PRKCB: variants seen among roughly 807,000 people sequenced by gnomAD.
PRKCB encodes protein kinase C beta type.
A neutral mutation model predicts 81.5 loss-of-function variants in PRKCB; 13 were observed. The ratio of observed to expected loss-of-function variants is 0.16; its 90% CI spans 0.10 to 0.25. The LOEUF (loss-of-function observed/expected upper bound fraction) is 0.25, where lower values mean the gene tolerates loss of function less well. PRKCB is among the 10% of genes least tolerant of loss of function. PRKCB has a pLI of 1.00. For synonymous variants in PRKCB, 335 were observed against 321.4 expected, an observed-to-expected ratio of 1.04 and a Z score of -0.45; for missense variants, 509 against 875.7, an observed-to-expected ratio of 0.58 and a Z score of 5.29.
rs148406342 is a variant in PRKCB at position 24,129,472 on chromosome 16, A to C, written c.1065+5491A>C. Among the ~76,000 whole-genome samples the C allele has an allele frequency of 7.2e-3, 1,097 of 152,062 alleles. 16 individuals carry two copies. Among genetic ancestry groups the C allele is most frequent in the African/African-American group, 0.025 (1,045 of 41,400 alleles). On this transcript the variant is annotated intron_variant, in intron 9 of 16. Coordinates refer to ENST00000643927, the MANE Select transcript of PRKCB (RefSeq NM_002738.7). ...ATATTCATAATAAATACAAAAAAAA[A>C]CGAAGTGACTCTCTCCTCTCTCTTT...
chr16:24,216,202 G>C lies in PRKCB; in HGVS notation c.*1386G>C. The stretch of plus-strand genomic sequence containing the variant: ...GCTGCTGGTGGGCTGTAGTGGGGTG[G>C]GATGACCTGGCCAGAGCCAACGAGG... On this transcript the variant is annotated 3_prime_UTR_variant, in exon 17 of 17. Transcript: ENST00000643927. The C allele has an allele frequency of 1.0e-6, 1 of 985,432 alleles. No individual in the cohort carries two copies. Among genetic ancestry groups the C allele is most frequent in the Non-Finnish European group, 1.2e-6 (1 of 829,978 alleles). The allele number at this position is 985,432 out of a possible 1,614,324, so 61.0% of individuals were successfully genotyped here.
intron 2 of PRKCB, among the ~76,000 whole-genome samples, chr16:23,855,639 G>A (rs1962551987): frequency 6.6e-6 from 1 of 152,202 alleles, no homozygotes; most frequent in Non-Finnish European, 1.5e-5. Context: ...TATGCAGGTG[G>A]TTTATTGGGG....
At chr16:24,139,187 T>G (rs1055698758) in intron 9 of PRKCB, among the ~76,000 whole-genome samples, 9 of 124,882 alleles carry the variant, frequency 7.2e-5, no homozygotes, top group Non-Finnish European at 1.5e-4. Context: ...CTTATTTTGC[T>G]TAGGATAAGG....
Position 24,215,231 on chromosome 16 carries a change from A to C in PRKCB, c.*415A>C. On this transcript the variant is annotated 3_prime_UTR_variant, in exon 17 of 17. Transcript: ENST00000643927. ...CGGGCCTGGAGCTTGGCTTGTATCCAAGTGTATGGTTGCTTTGCCTAAGAG... is the reference window on the plus strand; with the variant it reads ...CGGGCCTGGAGCTTGGCTTGTATCCCAGTGTATGGTTGCTTTGCCTAAGAG... The C allele has an allele frequency of 1.0e-6, 1 of 1,001,352 alleles. No individual in the cohort carries two copies. Among genetic ancestry groups the C allele is most frequent in the Non-Finnish European group, 1.2e-6 (1 of 839,006 alleles). 62.0% of individuals were successfully genotyped at this position (1,001,352 alleles called of 1,614,324 possible).
chr16:23,997,970 A>G (rs1964981904), intron 3 of PRKCB, among the ~76,000 whole-genome samples: 1 of 152,206 alleles, frequency 6.6e-6, no homozygotes, highest in South Asian at 2.1e-4. Flanking sequence ...CTGGTAATAC[A>G]TGATTTCTGG....
chr16:24,218,779 T>A lies in PRKCB; in HGVS notation c.*3963T>A, dbSNP rs1306910631. On this transcript the variant is annotated 3_prime_UTR_variant, in exon 17 of 17. Transcript: ENST00000643927. ...CTTTATAATCTGAGGCAACTTTGGC[T>A]GCAGCCCGGGAATGTGCAGGGCACT... 2.0e-6 allele frequency: 2 copies of A among 985,348 alleles called. No homozygotes were observed. Among genetic ancestry groups the A allele is most frequent in the East Asian group, 2.3e-4 (2 of 8,826 alleles). 61.0% of individuals were successfully genotyped at this position (985,348 alleles called of 1,614,324 possible).
At chr16:24,097,357 C>T (rs1966458824) in intron 7 of PRKCB, among the ~76,000 whole-genome samples, 2 of 151,944 alleles carry the variant, frequency 1.3e-5, no homozygotes, top group Admixed American at 6.6e-5. Flanking sequence ...TTTCTTGAAA[C>T]ATATATTGAG....
intron 2 of PRKCB, among the ~76,000 whole-genome samples, chr16:23,865,164 A>G (rs1460840264): frequency 6.6e-6 from 1 of 152,102 alleles, no homozygotes; most frequent in Non-Finnish European, 1.5e-5. Context: ...CTATGCACAC[A>G]AGTTAGAAAA....
intron 2 of PRKCB, among the ~76,000 whole-genome samples, chr16:23,976,328 A>C (rs957711169): frequency 2.0e-5 from 3 of 151,794 alleles, no homozygotes; most frequent in African/African-American, 7.3e-5. Flanking sequence ...CCCCCCCAAA[A>C]ACGGATGGCA....
At chr16:23,973,951 G>A (rs1028289654) in intron 2 of PRKCB, among the ~76,000 whole-genome samples, 23 of 152,196 alleles carry the variant, frequency 1.5e-4, no homozygotes, top group African/African-American at 4.1e-4. Flanking sequence ...GATTACAGGC[G>A]TAAGGCACTC....
intron 2 of PRKCB, among the ~76,000 whole-genome samples, chr16:23,902,264 C>G (rs752501921): frequency 6.6e-6 from 1 of 152,092 alleles, no homozygotes; most frequent in South Asian, 2.1e-4. Flanking sequence ...TTTGCCCCTG[C>G]CTTTAGAAAA....
At chr16:23,884,499 C>T (rs1365233434) in intron 2 of PRKCB, among the ~76,000 whole-genome samples, 1 of 152,112 alleles carries the variant, frequency 6.6e-6, no homozygotes, top group East Asian at 1.9e-4. Flanking sequence ...CCTGTTTGAA[C>T]ACCACATCCA....
At chr16:23,939,532 G>A (rs1368242613) in intron 2 of PRKCB, among the ~76,000 whole-genome samples, 1 of 152,150 alleles carries the variant, frequency 6.6e-6, no homozygotes, top group Non-Finnish European at 1.5e-5. Flanking sequence ...GAACAGAATA[G>A]ATAACCCAGA....
At chr16:23,929,953 C>A (rs1963948250) in intron 2 of PRKCB, among the ~76,000 whole-genome samples, 1 of 151,820 alleles carries the variant, frequency 6.6e-6, no homozygotes, top group Non-Finnish European at 1.5e-5. Flanking sequence ...CCCCCGGGAC[C>A]CCCGAAAAAA....
At chr16:24,095,419 T>G (rs1327473348) in intron 7 of PRKCB, among the ~76,000 whole-genome samples, 10 of 151,926 alleles carry the variant, frequency 6.6e-5, no homozygotes. Flanking sequence ...CACTTCTGGG[T>G]GGGGCCACAG....
intron 16 of PRKCB, among the ~76,000 whole-genome samples, chr16:24,194,081 C>A (rs1167664145): frequency 1.3e-5 from 2 of 152,124 alleles, no homozygotes; most frequent in Non-Finnish European, 1.5e-5. Flanking sequence ...AATCCCAGCA[C>A]TTTGGGAGGC....
chr16:23,901,163 CATCCTGGGGCTCTG>C (rs1963466615), intron 2 of PRKCB, among the ~76,000 whole-genome samples: 1 of 152,128 alleles, frequency 6.6e-6, no homozygotes, highest in Non-Finnish European at 1.5e-5. Flanking sequence ...TTGTGTCTGT[CATCCTGGGGCTCTG>C]AGCACGTGAG....
intron 3 of PRKCB, among the ~76,000 whole-genome samples, chr16:24,010,431 T>TC (rs1965187267): frequency 6.6e-6 from 1 of 152,234 alleles, no homozygotes; most frequent in Admixed American, 6.5e-5. Flanking sequence ...ACTTCTGCAT[T>TC]CGTAGGTGGG....
chr16:24,088,988 C>A (rs974406303), intron 5 of PRKCB, among the ~76,000 whole-genome samples: 3 of 152,058 alleles, frequency 2.0e-5, no homozygotes, highest in Non-Finnish European at 2.9e-5. Context: ...AAGCTTCTGG[C>A]GCATCTGAGT....
Sources: allele counts gnomAD v4.1 joint callset (sites outside exome capture counted in the v4.1 genomes callset), GRCh38; gene constraint gnomAD v4.1.1; transcripts MANE v1.5; gene names NCBI Gene and HGNC (gene_info 2026-07-23, HGNC 2026-07-21).